Variants in SCAMP1 observed in about 807,000 individuals in gnomAD.
SCAMP1 encodes the protein secretory carrier membrane protein 1.
SCAMP1 carries 15 observed loss-of-function variants against 41.8 expected under a neutral mutation model. The ratio of observed to expected loss-of-function variants is 0.36; its 90% confidence interval spans 0.24 to 0.55. The LOEUF (loss-of-function observed/expected upper bound fraction) is 0.55, where lower values mean the gene tolerates loss of function less well. SCAMP1 is among the 20% of genes least tolerant of loss of function. The pLI, the probability that SCAMP1 is intolerant of heterozygous loss-of-function variation, is 0.86. For missense variants in SCAMP1, 341 were observed against 412.6 expected (o/e 0.83, Z 1.50); for synonymous variants, 135 against 136.8 (o/e 0.99, Z 0.09).
In SCAMP1 at chr5:78,438,731, C is replaced by T. The variant is rs533333976; in HGVS notation, c.633-11202C>T. 2.4e-4 allele frequency among the ~76,000 whole-genome samples: 37 copies of T among 152,188 alleles called. 1 individual carries two copies. The South Asian group carries it at 3.1e-3, about 13-fold the overall frequency. On this transcript the variant is annotated intron_variant, in intron 6 of 8. Coordinates refer to ENST00000621999, the MANE Select transcript of SCAMP1 (RefSeq NM_004866.6). ...CAGTTCTGTAGGTGTCTATCAGGTC[C>T]GCTTGGTGCAGAGCTGAGTTCAAGT...
In SCAMP1 at chr5:78,469,933, CAACAA is replaced by C. The variant is rs1282482690; in HGVS notation, c.853-5570_853-5566del. On this transcript the variant is annotated intron_variant, in intron 8 of 8. Transcript: ENST00000621999. ...AAAAACAAAAAAAAAAAAAAAAAAACAACAACACAGCCCAGGCATGGTGGTGTGAG... is the reference window on the plus strand; with the variant it reads ...AAAAACAAAAAAAAAAAAAAAAAAACCACAGCCCAGGCATGGTGGTGTGAG... Among the ~76,000 whole-genome samples the C allele has an allele frequency of 3.1e-4, 6 of 19,528 alleles. 1 individual carries two copies. The highest frequency in any genetic ancestry group is 5.2e-4 in the African/African-American group (2 of 3,862). 12.8% of individuals were successfully genotyped at this position (19,528 alleles called of 152,430 possible). A position where few individuals can be genotyped will look rare whatever the true frequency, so the allele number is the denominator to read the frequency against.
At chr5:78,427,876 T>G (rs2115435) in intron 6 of SCAMP1, among the ~76,000 whole-genome samples, 115,659 of 151,942 alleles carry the variant, frequency 0.76, 44,634 homozygotes, top group African/African-American at 0.84. Context: ...TTAAAAATTC[T>G]GTTGTTGACT....
chr5:78,460,960 A>G (rs1475171308), intron 8 of SCAMP1, among the ~76,000 whole-genome samples: 1 of 151,620 alleles, frequency 6.6e-6, no homozygotes, highest in African/African-American at 2.4e-5. Flanking sequence ...TGTTCACACA[A>G]TTTTCCTGTC....
chr5:78,413,882 G>A (rs1050994900), intron 2 of SCAMP1, among the ~76,000 whole-genome samples: 4 of 152,004 alleles, frequency 2.6e-5, no homozygotes, highest in Admixed American at 1.3e-4. Flanking sequence ...ATCCTTGAAC[G>A]TCCTTGTGCA....
intron 1 of SCAMP1, among the ~76,000 whole-genome samples, chr5:78,365,316 C>T (rs6453382): frequency 0.95 from 143,380 of 151,626 alleles, 67,987 homozygotes; most frequent in Non-Finnish European, 0.97. Flanking sequence ...CTACCAAAAA[C>T]ACAAAAAATT....
intron 8 of SCAMP1, among the ~76,000 whole-genome samples, chr5:78,469,895 AAAAAAAAAAAAAAAAAAC>A (rs1753833313): frequency 2.9e-4 from 10 of 34,942 alleles, no homozygotes; most frequent in Admixed American, 1.9e-3. Context: ...GACATTAAAA[AAAAAAAAAAAAAAAAAAC>A]AAAAAAAAAA....
At chr5:78,458,272 A>G (rs925210273) in intron 7 of SCAMP1, among the ~76,000 whole-genome samples, 2 of 151,222 alleles carry the variant, frequency 1.3e-5, no homozygotes, top group Non-Finnish European at 2.9e-5. Flanking sequence ...GCTATTTTAC[A>G]CTCCCACCAA....
At chr5:78,475,200 A>G (rs922205204) in intron 8 of SCAMP1, among the ~76,000 whole-genome samples, 1 of 152,140 alleles carries the variant, frequency 6.6e-6, no homozygotes, top group Non-Finnish European at 1.5e-5. Context: ...TGCTGTAATA[A>G]TTTCACTTGA....
intron 8 of SCAMP1, among the ~76,000 whole-genome samples, chr5:78,471,293 G>A (rs756890403): frequency 1.6e-4 from 24 of 152,096 alleles, no homozygotes; most frequent in East Asian, 1.9e-4. Flanking sequence ...TAAAGGGTGC[G>A]TGAGATTTCG....
intron 7 of SCAMP1, among the ~76,000 whole-genome samples, chr5:78,458,632 C>T (rs1753497533): frequency 6.6e-6 from 1 of 152,082 alleles, no homozygotes; most frequent in East Asian, 1.9e-4. Context: ...ACGCTATAAT[C>T]CCAGTTTGGG....
intron 1 of SCAMP1, 31 bp downstream of exon 1, chr5:78,360,759 C>G: frequency 6.3e-7 from 1 of 1,585,014 alleles, no homozygotes; most frequent in Non-Finnish European, 8.6e-7. Context: ...CTCCTGCCGC[C>G]GCGACGCGTC....
chr5:78,372,733 A>G (rs1750970834), intron 1 of SCAMP1, among the ~76,000 whole-genome samples: 1 of 152,180 alleles, frequency 6.6e-6, no homozygotes, highest in Non-Finnish European at 1.5e-5. Flanking sequence ...TGGTAAGGCA[A>G]CTAGTAATTT....
At chr5:78,390,506 T>G (rs1232581953) in intron 2 of SCAMP1, among the ~76,000 whole-genome samples, 1 of 152,126 alleles carries the variant, frequency 6.6e-6, no homozygotes, top group African/African-American at 2.4e-5. Context: ...GAGAGTGCAA[T>G]TTGGTAGTAG....
intron 6 of SCAMP1, among the ~76,000 whole-genome samples, chr5:78,426,015 A>G (rs2112156351): frequency 6.9e-6 from 1 of 144,314 alleles, no homozygotes; most frequent in South Asian, 2.1e-4. Flanking sequence ...CTCATTGTTC[A>G]ACTCCCACTT....
At chr5:78,463,646 C>A (rs1045868515) in intron 8 of SCAMP1, among the ~76,000 whole-genome samples, 1 of 152,070 alleles carries the variant, frequency 6.6e-6, no homozygotes, top group African/African-American at 2.4e-5. Flanking sequence ...TGTATAGATT[C>A]CATTATTGTG....
intron 4 of SCAMP1, among the ~76,000 whole-genome samples, 159 bp downstream of exon 4, chr5:78,416,808 T>C (rs1249406040): frequency 1.3e-5 from 2 of 152,228 alleles, no homozygotes; most frequent in Non-Finnish European, 2.9e-5. Flanking sequence ...TGATACTCTG[T>C]AGCCTTCTAA....
intron 4 of SCAMP1, among the ~76,000 whole-genome samples, chr5:78,418,522 GCTAAACA>G (rs1405483617): frequency 7.9e-5 from 12 of 152,168 alleles, no homozygotes; most frequent in African/African-American, 2.6e-4. Context: ...AATGGTTCCT[GCTAAACA>G]TGGTATGATA....
At position 78,384,174 on chromosome 5, in the gene SCAMP1, T is replaced by TTG. The variant is rs1158705932; in HGVS notation, c.58-4662_58-4661insGT. On this transcript the variant is annotated intron_variant, in intron 1 of 8. Transcript: ENST00000621999. The stretch of plus-strand genomic sequence containing the variant: ...CTTTGGTTAGGTATATTCCCAAGTT[T>TTG]TTTTTCTTTTTTTTTTTTTGCAGCT... Among the ~76,000 whole-genome samples the TTG allele has an allele frequency of 1.6e-3, 139 of 86,172 alleles. 1 individual carries two copies. The highest frequency in any genetic ancestry group is 3.5e-3 in the Non-Finnish European group (117 of 33,252). The allele number at this position is 86,172 out of a possible 152,430, so 56.5% of individuals were successfully genotyped here. A position where few individuals can be genotyped will look rare whatever the true frequency, so the allele number is the denominator to read the frequency against.
rs114821608 is a variant in SCAMP1, at chr5:78,421,593, A to G, written c.473-208A>G. ...GCCAACAGAATTTTTGCCAAACAGTACATGTATTAAGACTCGCTTTCCTGT... is the reference window on the plus strand; with the variant it reads ...GCCAACAGAATTTTTGCCAAACAGTGCATGTATTAAGACTCGCTTTCCTGT... On this transcript the variant is annotated intron_variant, in intron 5 of 8. Transcript: ENST00000621999. Among the ~76,000 whole-genome samples, 1,348 of 152,316 alleles carry G rather than the reference A, an allele frequency of 8.9e-3. 15 individuals carry two copies. Among genetic ancestry groups the G allele is most frequent in the African/African-American group, 0.031 (1,271 of 41,564 alleles).
Sources: allele counts gnomAD v4.1 joint callset (sites outside exome capture counted in the v4.1 genomes callset), GRCh38; gene constraint gnomAD v4.1.1; transcripts MANE v1.5; gene names NCBI Gene and HGNC (gene_info 2026-07-23, HGNC 2026-07-21).